KIRREL3: variants seen among roughly 807,000 people sequenced by gnomAD.
KIRREL3 encodes the protein kirre like nephrin family adhesion molecule 3.
A neutral mutation model predicts 89.7 loss-of-function variants in KIRREL3; 36 were observed. The ratio of observed to expected loss-of-function variants is 0.40; its 90% CI spans 0.31 to 0.53. KIRREL3 has a LOEUF of 0.53. Among genes scored for constraint, KIRREL3 ranks in the 20% least tolerant of loss-of-function variants. The probability of loss-of-function intolerance (pLI) is 0.49; values close to 1 mark genes in which losing one functional copy is unlikely to be tolerated. For synonymous variants in KIRREL3, 445 were observed against 441.4 expected (o/e 1.01, Z -0.10); for missense variants, 864 against 1,056.6 (o/e 0.82, Z 2.53).
At chr11:126,673,916 G>A (rs534732396) in intron 1 of KIRREL3, among the ~76,000 whole-genome samples, 200 of 152,340 alleles carry the variant, frequency 1.3e-3, no homozygotes, top group African/African-American at 4.6e-3. Context: ...CTCAGTACAG[G>A]CCAGGAGGGC....
At chr11:126,932,453 T>C (rs150023997) in intron 1 of KIRREL3, among the ~76,000 whole-genome samples, 271 of 152,266 alleles carry the variant, frequency 1.8e-3, no homozygotes, top group Non-Finnish European at 2.8e-3. Flanking sequence ...TCAAGACTGA[T>C]TTCAAATAGC....
chr11:126,450,322 T>C (rs1231721806), intron 7 of KIRREL3, among the ~76,000 whole-genome samples: 2 of 151,000 alleles, frequency 1.3e-5, no homozygotes, highest in Non-Finnish European at 2.9e-5. Context: ...TGTGCACGTG[T>C]GCATGTGTGA....
rs112793780 is a variant in KIRREL3, at chr11:126,960,543, C to A, written c.55+39912G>T. On this transcript the variant is annotated intron_variant, in intron 1 of 16. Coordinates refer to ENST00000525144, the MANE Select transcript of KIRREL3 (RefSeq NM_032531.4). Reference sequence around the variant, plus strand: ...ATCAAGACGGATCTGATTTGAATTGCGGTTCCAGGCAGCAACTAGTAGTCC... The same window carrying A: ...ATCAAGACGGATCTGATTTGAATTGAGGTTCCAGGCAGCAACTAGTAGTCC... 1.3e-3 allele frequency among the ~76,000 whole-genome samples: 203 copies of A among 152,282 alleles called. 2 individuals are homozygous for A. Among genetic ancestry groups the A allele is most frequent in the African/African-American group, 4.5e-3 (188 of 41,548 alleles).
rs932844374 is a variant in KIRREL3 at position 126,802,216 on chromosome 11, C to T, written c.55+198239G>A. Among the ~76,000 whole-genome samples, 2 of 152,038 alleles carry T rather than the reference C, an allele frequency of 1.3e-5. No homozygotes were observed. The highest frequency in any genetic ancestry group is 4.8e-5 in the African/African-American group (2 of 41,392). On this transcript the variant is annotated intron_variant, in intron 1 of 16. Coordinates refer to ENST00000525144, the MANE Select transcript of KIRREL3 (RefSeq NM_032531.4). This position sits in a 1 kb window ranked among gnomAD's most constrained non-coding sequence, Gnocchi z 5.2. Reference sequence around the variant, plus strand: ...TCTTCCTTTCTTTGCCTTGGCCCTACCTCACCTGGAGAAGTTAACCAAAGA... The same window carrying T: ...TCTTCCTTTCTTTGCCTTGGCCCTATCTCACCTGGAGAAGTTAACCAAAGA...
chr11:126,612,967 C>G lies in KIRREL3; in HGVS notation c.56-50055G>C, dbSNP rs753359615. Among the ~76,000 whole-genome samples, 1 of 152,066 alleles carries G rather than the reference C, an allele frequency of 6.6e-6. No homozygotes were observed. The highest frequency in any genetic ancestry group is 1.5e-5 in the Non-Finnish European group (1 of 68,022). On this transcript the variant is annotated intron_variant, in intron 1 of 16. Coordinates refer to ENST00000525144, the MANE Select transcript of KIRREL3 (RefSeq NM_032531.4). The surrounding 1 kb of genome is among the most constrained non-coding windows in gnomAD (Gnocchi z 4.5). Reference sequence around the variant, plus strand: ...CATCTGTGTAAAGTTTTTGTGTGAACGTATGTTTTCAGTACTCTTGGGTAT... The same window carrying G: ...CATCTGTGTAAAGTTTTTGTGTGAAGGTATGTTTTCAGTACTCTTGGGTAT...
In KIRREL3 at chr11:126,683,464, C is replaced by T. The variant is rs987655906; in HGVS notation, c.56-120552G>A. Among the ~76,000 whole-genome samples the T allele has an allele frequency of 6.6e-5, 10 of 152,286 alleles. No individual in the cohort carries two copies. The East Asian group carries it at 1.5e-3, about 24-fold the overall frequency. On this transcript the variant is annotated intron_variant, in intron 1 of 16. Transcript: ENST00000525144. The surrounding 1 kb of genome is among the most constrained non-coding windows in gnomAD (Gnocchi z 5.2). ...GGGTCTGGGCATCCACTGCTTTCAC[C>T]GAGGGTCTCTGCATGACTTTAGGAA...
At chr11:126,718,396 T>C (rs534237065) in intron 1 of KIRREL3, among the ~76,000 whole-genome samples, 8 of 152,262 alleles carry the variant, frequency 5.3e-5, no homozygotes, top group Non-Finnish European at 1.2e-4. Context: ...AAAATTGCCA[T>C]AGAAAGATGA....
rs1316912299 is a variant in KIRREL3 at position 126,523,271 on chromosome 11, A to T, written c.284-1807T>A. Reference sequence around the variant, plus strand: ...CAGAGGTGATTTCTACACCGGGTGAAAGATCAGACTAGAGGAGCTTGAAGG... The same window carrying T: ...CAGAGGTGATTTCTACACCGGGTGATAGATCAGACTAGAGGAGCTTGAAGG... On this transcript the variant is annotated intron_variant, in intron 3 of 16. Coordinates refer to ENST00000525144, the MANE Select transcript of KIRREL3 (RefSeq NM_032531.4). The surrounding 1 kb of genome is among the most constrained non-coding windows in gnomAD (Gnocchi z 4.9). 6.6e-6 allele frequency among the ~76,000 whole-genome samples: 1 copy of T among 152,076 alleles called. No homozygotes were observed. The highest frequency in any genetic ancestry group is 1.5e-5 in the Non-Finnish European group (1 of 68,012).
intron 1 of KIRREL3, among the ~76,000 whole-genome samples, chr11:126,688,391 G>A (rs955308363): frequency 2.0e-5 from 3 of 152,232 alleles, no homozygotes; most frequent in Non-Finnish European, 4.4e-5. Context: ...ATTAAAAAGA[G>A]AGTAAGAAAA....
chr11:126,531,780 G>A lies in KIRREL3; in HGVS notation c.134-5093C>T, dbSNP rs1958951787. On this transcript the variant is annotated intron_variant, in intron 2 of 16. Transcript: ENST00000525144. The surrounding 1 kb of genome is among the most constrained non-coding windows in gnomAD (Gnocchi z 4.7). ...GAAACAGAAATAAGGAAGAAACAGT[G>A]TACACTTCTTGAGGGCAGGGGCCAC... 6.6e-6 allele frequency among the ~76,000 whole-genome samples: 1 copy of A among 152,208 alleles called. No individual in the cohort carries two copies. The highest frequency in any genetic ancestry group is 2.4e-5 in the African/African-American group (1 of 41,444).
chr11:126,971,898 G>C (rs529405882), intron 1 of KIRREL3, among the ~76,000 whole-genome samples: 87 of 152,258 alleles, frequency 5.7e-4, no homozygotes, highest in Non-Finnish European at 9.9e-4. Context: ...ACTCAAGGAG[G>C]TAAGAGCAAT....
In KIRREL3 at chr11:126,978,506, C is replaced by T. The variant is rs1281151725; in HGVS notation, c.55+21949G>A. 6.6e-6 allele frequency among the ~76,000 whole-genome samples: 1 copy of T among 152,184 alleles called. No individual in the cohort carries two copies. ...TCCAATATATTCTTGTGTTTACGTG[C>T]CCTGGCCAGAAAGCTTTTTGGCTTC... On this transcript the variant is annotated intron_variant, in intron 1 of 16. Transcript: ENST00000525144. The surrounding 1 kb of genome is among the most constrained non-coding windows in gnomAD (Gnocchi z 4.2).
intron 7 of KIRREL3, among the ~76,000 whole-genome samples, chr11:126,453,048 C>T (rs1288808018): frequency 6.6e-6 from 1 of 150,794 alleles, no homozygotes; most frequent in African/African-American, 2.4e-5. Flanking sequence ...GTCTCCTCCC[C>T]TCTCCCCACC....
chr11:126,923,200 T>TCTA lies in KIRREL3; in HGVS notation c.55+77254_55+77255insTAG, dbSNP rs1565423347. 2.6e-3 allele frequency among the ~76,000 whole-genome samples: 17 copies of TCTA among 6,654 alleles called. 1 individual carries two copies. The highest frequency in any genetic ancestry group is 5.2e-3 in the African/African-American group (3 of 576). 4.4% of individuals were successfully genotyped at this position (6,654 alleles called of 152,430 possible). On this transcript the variant is annotated intron_variant, in intron 1 of 16. Transcript: ENST00000525144. Reference sequence around the variant, plus strand: ...TCTCTTCTTCTTCTCTTCTTCTTCTTCTTCTTCTTCTTCTTCTTCTTCTTC... The same window carrying TCTA: ...TCTCTTCTTCTTCTCTTCTTCTTCTTCTACTTCTTCTTCTTCTTCTTCTTCTTC...
rs1957110631 is a variant in KIRREL3 at position 126,477,860 on chromosome 11, CCATACTG to C, written c.434-4401_434-4395del. 6.6e-6 allele frequency among the ~76,000 whole-genome samples: 1 copy of C among 152,188 alleles called. No homozygotes were observed. The highest frequency in any genetic ancestry group is 2.4e-5 in the African/African-American group (1 of 41,452). On this transcript the variant is annotated intron_variant, in intron 4 of 16. Coordinates refer to ENST00000525144, the MANE Select transcript of KIRREL3 (RefSeq NM_032531.4). This position sits in a 1 kb window ranked among gnomAD's most constrained non-coding sequence, Gnocchi z 4.8. ...GACCAGCAGCACCACCCTCCTGCCC[CCATACTG>C]CATGGTGGAGAACCTCATAGACACC... is the stretch of plus-strand genomic sequence containing the variant.
At chr11:126,899,406 A>G (rs1213161362) in intron 1 of KIRREL3, among the ~76,000 whole-genome samples, 2 of 152,252 alleles carry the variant, frequency 1.3e-5, no homozygotes, top group Non-Finnish European at 2.9e-5. Context: ...TAGCCGTAAA[A>G]GAAAAGAAGT....
chr11:126,836,991 A>G, intron 1 of KIRREL3, among the ~76,000 whole-genome samples: 1 of 151,748 alleles, frequency 6.6e-6, no homozygotes, highest in Non-Finnish European at 1.5e-5. Context: ...TCCCTCAGAC[A>G]TTTATGGGCC....
rs142601825 is a variant in KIRREL3, at chr11:126,993,363, C to T, written c.55+7092G>A. Among the ~76,000 whole-genome samples the T allele has an allele frequency of 3.4e-3, 524 of 152,298 alleles. 3 individuals are homozygous for T. The highest frequency in any genetic ancestry group is 0.011 in the African/African-American group (465 of 41,574). On this transcript the variant is annotated intron_variant, in intron 1 of 16. Transcript: ENST00000525144. This position sits in a 1 kb window ranked among gnomAD's most constrained non-coding sequence, Gnocchi z 6.1. ...TACTGCCCATGGCTTCTGAACATAT[C>T]GCATTCTGTTCTGCCTTTTGTATTT...
intron 2 of KIRREL3, among the ~76,000 whole-genome samples, chr11:126,540,226 C>A (rs955567456): frequency 6.6e-6 from 1 of 152,188 alleles, no homozygotes; most frequent in Non-Finnish European, 1.5e-5. Context: ...TAGCTTGATT[C>A]TGATACACAC....
Sources: allele counts gnomAD v4.1 joint callset (sites outside exome capture counted in the v4.1 genomes callset), GRCh38; gene constraint gnomAD v4.1.1; non-coding constraint Gnocchi (gnomAD v3.1); transcripts MANE v1.5; gene names NCBI Gene and HGNC (gene_info 2026-07-23, HGNC 2026-07-21).